DCP1B: variants seen among roughly 807,000 people sequenced by gnomAD.
The protein encoded by DCP1B is decapping mRNA 1B, also known as mRNA-decapping enzyme 1B.
Under a neutral mutation model 60.5 loss-of-function variants are expected in DCP1B, and 47 were observed. The ratio of observed to expected loss-of-function variants is 0.78; its 90% CI spans 0.61 to 0.99. DCP1B has a LOEUF of 0.99. Ranked by LOEUF, DCP1B falls within the 50% of genes least tolerant of loss-of-function variation. DCP1B has a pLI of 0.00. For synonymous variants in DCP1B, 267 were observed against 280.3 expected, an observed-to-expected ratio of 0.95 and a Z score of 0.47; for missense variants, 725 against 756.8, an observed-to-expected ratio of 0.96 and a Z score of 0.49.
chr12:1,958,009 T>C (rs941378596), intron 5 of DCP1B, among the ~76,000 whole-genome samples: 6 of 146,698 alleles, frequency 4.1e-5, no homozygotes, highest in Non-Finnish European at 9.2e-5. Context: ...CCAACGTCGC[T>C]CTGGGCAGAC....
Position 1,946,198 on chromosome 12 carries a change from C to A in DCP1B, c.*8G>T, listed in dbSNP as rs749725232. The A allele has an allele frequency of 4.4e-6, 7 of 1,581,444 alleles. No individual in the cohort carries two copies. The Admixed American group carries it at 5.4e-5, about 12-fold the overall frequency. On this transcript the variant is annotated 3_prime_UTR_variant, in exon 9 of 9. Transcript: ENST00000280665. ...GACCTTGAAAATCAGTTTTAAAAGG[C>A]CTTGCTGTCACATAGTCTTTTTCAT...
At chr12:1,959,028 G>A (rs12831344) in intron 5 of DCP1B, among the ~76,000 whole-genome samples, 8 of 128,090 alleles carry the variant, frequency 6.2e-5, no homozygotes, top group South Asian at 2.7e-4. Flanking sequence ...GAAACAGGGG[G>A]AAAGCTCCCC....
intron 5 of DCP1B, among the ~76,000 whole-genome samples, chr12:1,958,460 G>A (rs955300866): frequency 2.9e-5 from 4 of 138,468 alleles, no homozygotes; most frequent in South Asian, 2.3e-4. Context: ...CCCTAACGTC[G>A]CTCTGGGCAA....
At chr12:1,950,274 G>T (rs1043506574) in intron 7 of DCP1B, 7 of 701,050 alleles carry the variant, frequency 1.0e-5, no homozygotes, top group Middle Eastern at 2.3e-4. Context: ...TCGAGGAGCG[G>T]TGCTGAGCAG....
chr12:1,972,850 GAA>G (rs1491546367), intron 3 of DCP1B, among the ~76,000 whole-genome samples: 4 of 152,074 alleles, frequency 2.6e-5, no homozygotes, highest in Non-Finnish European at 5.9e-5. Context: ...GGGAGAGGGA[GAA>G]AAAGAGAGAA....
intron 3 of DCP1B, among the ~76,000 whole-genome samples, chr12:1,984,448 T>TA (rs988585975): frequency 1.1e-4 from 17 of 152,054 alleles, no homozygotes; most frequent in African/African-American, 3.9e-4. Context: ...AGTCTATACT[T>TA]AGAGTTTTTC....
Position 1,946,072 on chromosome 12 carries a change from C to A in DCP1B, c.*134G>T. 6.3e-6 allele frequency: 4 copies of A among 633,354 alleles called. No individual in the cohort carries two copies. Among genetic ancestry groups the A allele is most frequent in the South Asian group, 3.3e-5 (1 of 30,756 alleles). The allele number at this position is 633,354 out of a possible 1,614,324, so 39.2% of individuals were successfully genotyped here. On this transcript the variant is annotated 3_prime_UTR_variant, in exon 9 of 9. Coordinates refer to ENST00000280665, the MANE Select transcript of DCP1B (RefSeq NM_152640.5). ...CTTGAGTATAAAAAAAAGTCTGAAA[C>A]ATTTTACTTCATATTACACATACTT...
At position 1,971,087 on chromosome 12, in the gene DCP1B, G is replaced by A. The variant is rs2032056987; in HGVS notation, c.320-3177C>T. On this transcript the variant is annotated intron_variant, in intron 3 of 8. Coordinates refer to ENST00000280665, the MANE Select transcript of DCP1B (RefSeq NM_152640.5). This position sits in a 1 kb window ranked among gnomAD's most constrained non-coding sequence, Gnocchi z 4.2. ...AATGCTTCGAGCCTTTGTTCAGCCTGGTACGCCTGCATACCAGCCGCTTCC... is the reference window on the plus strand; with the variant it reads ...AATGCTTCGAGCCTTTGTTCAGCCTAGTACGCCTGCATACCAGCCGCTTCC... 2 of 1,289,486 alleles carry A rather than the reference G, an allele frequency of 1.6e-6. No homozygotes were observed. The highest frequency in any genetic ancestry group is 1.2e-5 in the South Asian group (1 of 81,010). The allele number at this position is 1,289,486 out of a possible 1,614,324, so 79.9% of individuals were successfully genotyped here.
chr12:1,966,513 G>C (rs1050561709), intron 4 of DCP1B, among the ~76,000 whole-genome samples: 1 of 152,212 alleles, frequency 6.6e-6, no homozygotes, highest in African/African-American at 2.4e-5. Context: ...TACTTACTGA[G>C]AGACTTAATT....
intron 7 of DCP1B, 29 bp from the exon 8 acceptor site, chr12:1,949,363 G>C (rs542375141): frequency 1.9e-6 from 3 of 1,607,260 alleles, no homozygotes; most frequent in Non-Finnish European, 1.7e-6. Context: ...CACAGAGAGC[G>C]GGGTTCAGGA....
intron 7 of DCP1B, among the ~76,000 whole-genome samples, chr12:1,950,547 G>T (rs1304828245): frequency 6.6e-6 from 1 of 152,206 alleles, no homozygotes; most frequent in East Asian, 1.9e-4. Context: ...ATAGCAGTCG[G>T]TACTCAGATT....
rs1472125730 is a variant in DCP1B at position 1,946,284 on chromosome 12, A to G, written c.1776T>C (p.Asn592=). The part of the protein sequence containing the change: ...LQEALLYLIQ[N]DDNFLNIIYE... ...AGATTATATTTAAGAAGTTGTCATC[A>G]TTCTGGAAAACAAATCGAAAGACCC... The change falls in exon 9 of 9, where the codon AAT becomes AAC. Residue 592 remains asparagine, a splice_region_variant and synonymous_variant. Transcript: ENST00000280665. The G allele has an allele frequency of 6.3e-7, 1 of 1,598,252 alleles. No homozygotes were observed. The highest frequency in any genetic ancestry group is 1.3e-5 in the African/African-American group (1 of 74,128).
intron 3 of DCP1B, among the ~76,000 whole-genome samples, chr12:1,978,219 C>T (rs1336623848): frequency 6.6e-6 from 1 of 152,212 alleles, no homozygotes; most frequent in African/African-American, 2.4e-5. Context: ...ACTAGAAATG[C>T]AGACTCAACT....
At chr12:1,949,800 G>T (rs1018249105) in intron 7 of DCP1B, among the ~76,000 whole-genome samples, 1 of 152,188 alleles carries the variant, frequency 6.6e-6, no homozygotes, top group Non-Finnish European at 1.5e-5. Flanking sequence ...CTCACTTCTC[G>T]TGGGGAGGGA....
chr12:1,982,064 G>A (rs988741469), intron 3 of DCP1B, among the ~76,000 whole-genome samples: 1 of 152,148 alleles, frequency 6.6e-6, no homozygotes, highest in Non-Finnish European at 1.5e-5. Flanking sequence ...TTTTGAGAAG[G>A]AAAGCAAATT....
At chr12:1,946,030 A>G (rs921379712), downstream of DCP1B, 7 of 509,752 alleles carry the variant, frequency 1.4e-5, no homozygotes, top group Non-Finnish European at 2.4e-5. Flanking sequence ...TTAAAGTATA[A>G]TAATAATTAA....
chr12:1,997,567 T>C (rs891713098), intron 2 of DCP1B, among the ~76,000 whole-genome samples: 1 of 152,194 alleles, frequency 6.6e-6, no homozygotes, highest in Admixed American at 6.5e-5. Context: ...TTTCCAAATA[T>C]TAACTGAACA....
chr12:1,950,415 T>C (rs137898038), intron 7 of DCP1B: 1 of 702,344 alleles, frequency 1.4e-6, no homozygotes, highest in African/African-American at 1.7e-5. Context: ...GAAATTTAAG[T>C]CAGACTATAT....
chr12:1,946,307 C>T (rs2154456216), intron 8 of DCP1B, 21 bp from the exon 9 acceptor site: 1 of 1,579,142 alleles, frequency 6.3e-7, no homozygotes, highest in East Asian at 2.3e-5. Context: ...AATCGAAAGA[C>T]CCAAGAGAAT....
Sources: allele counts gnomAD v4.1 joint callset (sites outside exome capture counted in the v4.1 genomes callset), GRCh38; gene constraint gnomAD v4.1.1; non-coding constraint Gnocchi (gnomAD v3.1); transcripts MANE v1.5; gene names NCBI Gene and HGNC (gene_info 2026-07-23, HGNC 2026-07-21).